The following MYO18A variants were observed in gnomAD, a reference collection of about 807,000 sequenced individuals.
MYO18A encodes the protein myosin XVIIIA.
MYO18A carries 78 observed loss-of-function variants against 235.8 expected under a neutral mutation model. The ratio of observed to expected loss-of-function variants is 0.33; its 90% CI spans 0.28 to 0.40. The LOEUF (loss-of-function observed/expected upper bound fraction) is 0.40. MYO18A is among the 10% of genes least tolerant of loss of function. The pLI, the probability that MYO18A is intolerant of heterozygous loss-of-function variation, is 1.00. For synonymous variants in MYO18A, 977 were observed against 1,077.8 expected (o/e 0.91, Z 1.83); for missense variants, 2,215 against 2,699.3 (o/e 0.82, Z 3.98).
intron 26 of MYO18A, 103 bp from the exon 27 acceptor site, chr17:29,097,453 C>T: frequency 6.8e-7 from 1 of 1,478,744 alleles, no homozygotes; most frequent in Non-Finnish European, 9.2e-7. Flanking sequence ...GTGGAGTCAG[C>T]CAGGGCTCAG....
At position 29,126,665 on chromosome 17, in the gene MYO18A, G is replaced by A. The variant is rs778916434; in HGVS notation, c.1000-4412C>T. 6.6e-5 allele frequency among the ~76,000 whole-genome samples: 10 copies of A among 152,172 alleles called. No homozygotes were observed. Among genetic ancestry groups the A allele is most frequent in the Admixed American group, 1.3e-4 (2 of 15,284 alleles). ...AGACCCCTCTCCTTCCAGCCAGAAG[G>A]AGCCTGCATGAGCACAGGGAAGTAG... is the stretch of plus-strand genomic sequence containing the variant. On this transcript the variant is annotated intron_variant, in intron 2 of 41. Transcript: ENST00000527372. This position sits in a 1 kb window ranked among gnomAD's most constrained non-coding sequence, Gnocchi z 4.1.
rs1373353469 is a variant in MYO18A at position 29,097,869 on chromosome 17, C to T, written c.4021G>A (p.Glu1341Lys). 6.2e-7 allele frequency: 1 copy of T among 1,613,868 alleles called. No individual in the cohort carries two copies. The highest frequency in any genetic ancestry group is 8.5e-7 in the Non-Finnish European group (1 of 1,179,798). ...TQYDALKKQM[E>K]VMEMEVMEAR... ...TCCATCACCTCCATTTCCATAACCT[C>T]CATCTGCTTCTTCAGTGCATCGTAC... The change falls in exon 26 of 42, where the codon GAG (glutamate) becomes AAG (lysine). Residue 1341 changes from glutamate to lysine, a missense_variant. Physicochemically the swap from Glu to Lys is moderately conservative, Grantham distance 56. Transcript: ENST00000527372.
intron 2 of MYO18A, among the ~76,000 whole-genome samples, chr17:29,159,986 A>T (rs1296412425): frequency 6.6e-6 from 1 of 152,184 alleles, no homozygotes; most frequent in African/African-American, 2.4e-5. Flanking sequence ...GGCTACAGGA[A>T]AATCCAGACG....
At position 29,073,340 on chromosome 17, in the gene MYO18A, T is replaced by G. The variant is rs1192769425; in HGVS notation, c.*1430A>C. 1 of 153,000 alleles carries G rather than the reference T, an allele frequency of 6.5e-6. No individual in the cohort carries two copies. The highest frequency in any genetic ancestry group is 1.5e-5 in the Non-Finnish European group (1 of 68,624). The allele number at this position is 153,000 out of a possible 1,614,324, so 9.5% of individuals were successfully genotyped here. On this transcript the variant is annotated 3_prime_UTR_variant, in exon 42 of 42. Coordinates refer to ENST00000527372, the MANE Select transcript of MYO18A (RefSeq NM_078471.4). ...ATCCCCTCATTCCACTACCTCTGCC[T>G]GCCCCAAAATGAGCTGCCTAGGCTC...
chr17:29,170,719 T>G (rs2152984407), intron 1 of MYO18A, among the ~76,000 whole-genome samples: 1 of 152,270 alleles, frequency 6.6e-6, no homozygotes, highest in South Asian at 2.1e-4. Context: ...GCTCTTACTA[T>G]CCCCAAAAAC....
chr17:29,091,600 T>A (rs183205278), intron 34 of MYO18A: 49 of 453,638 alleles, frequency 1.1e-4, no homozygotes, highest in African/African-American at 7.2e-4. Flanking sequence ...CAACCTTTTT[T>A]AACACAATTA....
rs2067127149 is a variant in MYO18A, at chr17:29,118,530, C to T, written c.1830-90G>A. On this transcript the variant is annotated intron_variant, in intron 8 of 41. Coordinates refer to ENST00000527372, the MANE Select transcript of MYO18A (RefSeq NM_078471.4). This position sits in a 1 kb window ranked among gnomAD's most constrained non-coding sequence, Gnocchi z 4.2. ...GGTGGAGACAGACAGACTCAGCTTC[C>T]AGACTCCAAGTTTTGTCTGCCCATC... 6 of 1,222,296 alleles carry T rather than the reference C, an allele frequency of 4.9e-6. No individual in the cohort carries two copies. The highest frequency in any genetic ancestry group is 4.3e-5 in the Admixed American group (2 of 47,026). 75.7% of individuals were successfully genotyped at this position (1,222,296 alleles called of 1,614,324 possible). A position where few individuals can be genotyped will look rare whatever the true frequency, so the allele number is the denominator to read the frequency against.
intron 23 of MYO18A, 88 bp from the exon 24 acceptor site, chr17:29,098,533 G>T: frequency 6.8e-7 from 1 of 1,474,174 alleles, no homozygotes; most frequent in Non-Finnish European, 9.4e-7. Flanking sequence ...GAACGAAGCT[G>T]ATGAAGCTTG....
chr17:29,097,968 C>A, intron 25 of MYO18A, 69 bp from the exon 26 acceptor site: 2 of 1,573,488 alleles, frequency 1.3e-6, no homozygotes, highest in Non-Finnish European at 1.7e-6. Flanking sequence ...CCACACAGAC[C>A]ATGATCACAT....
intron 2 of MYO18A, chr17:29,128,144 T>A: frequency 1.8e-6 from 2 of 1,108,622 alleles, no homozygotes; most frequent in South Asian, 3.9e-5. Context: ...CAGGGAGAGC[T>A]CATCCTTGGC....
intron 40 of MYO18A, among the ~76,000 whole-genome samples, chr17:29,083,002 G>A: frequency 6.7e-6 from 1 of 148,606 alleles, no homozygotes; most frequent in Non-Finnish European, 1.5e-5. Context: ...TGGGCTCTAG[G>A]TTAAGGAGGC....
rs748659909 is a variant in MYO18A, at chr17:29,094,073, C to T, written c.4728G>A (p.Glu1576=). Residue 1576 remains glutamate (E), a synonymous_variant, in exon 31 of 42, where the codon GAG becomes GAA. Coordinates refer to ENST00000527372, the MANE Select transcript of MYO18A (RefSeq NM_078471.4). The part of the protein sequence containing the change: ...QMLEQAKLRL[E]MEMERMRQTH... ...TCTGTCTCATCCGCTCCATCTCCAT[C>T]TCCAGACGCAGCTTGGCCTGGAGGT... 1.2e-5 allele frequency: 19 copies of T among 1,609,652 alleles called. No individual in the cohort carries two copies. In the Admixed American group the frequency reaches 3.0e-4, roughly 26 times the overall value.
Position 29,098,973 on chromosome 17 carries a change from C to T in MYO18A, c.3637-4G>A, listed in dbSNP as rs760219459. The stretch of plus-strand genomic sequence containing the variant: ...AGCGAATGGCCAGGTCCTGGATCTG[C>T]AGGTGGGGTGGGGGTGGTGCACAGC... On this transcript the variant is annotated splice_polypyrimidine_tract_variant and splice_region_variant and intron_variant, in intron 22 of 41. Coordinates refer to ENST00000527372, the MANE Select transcript of MYO18A (RefSeq NM_078471.4). 2.5e-6 allele frequency: 4 copies of T among 1,612,882 alleles called. No homozygotes were observed. The highest frequency in any genetic ancestry group is 3.4e-6 in the Non-Finnish European group (4 of 1,179,760).
Position 29,073,466 on chromosome 17 carries a change from G to A in MYO18A, c.*1304C>T, listed in dbSNP as rs117285791. ...TCCTGCCTCTGCCCACCACCCCCAG[G>A]ACCAATCCAGACTTTGCCTGAGCCT... On this transcript the variant is annotated 3_prime_UTR_variant, in exon 42 of 42. Coordinates refer to ENST00000527372, the MANE Select transcript of MYO18A (RefSeq NM_078471.4). 0.021 allele frequency: 3,613 copies of A among 172,308 alleles called. 63 individuals carry two copies. Among genetic ancestry groups the A allele is most frequent in the Non-Finnish European group, 0.032 (2,577 of 80,512 alleles). The allele number at this position is 172,308 out of a possible 1,614,324, so 10.7% of individuals were successfully genotyped here. A position where few individuals can be genotyped will look rare whatever the true frequency, so the allele number is the denominator to read the frequency against.
chr17:29,084,114 T>G (rs2066190670), intron 40 of MYO18A, among the ~76,000 whole-genome samples: 1 of 152,092 alleles, frequency 6.6e-6, no homozygotes, highest in African/African-American at 2.4e-5. Flanking sequence ...CCACACCACC[T>G]CTCTGCCATC....
At chr17:29,091,253 A>C (rs2066391929) in intron 34 of MYO18A, 1 of 344,922 alleles carries the variant, frequency 2.9e-6, no homozygotes, top group African/African-American at 2.1e-5. Context: ...CTATCAGTCC[A>C]GGCCCTGGCC....
At position 29,109,998 on chromosome 17, in the gene MYO18A, C is replaced by T. The variant is rs375482122; in HGVS notation, c.3191G>A (p.Arg1064His). 1.4e-5 allele frequency: 22 copies of T among 1,611,794 alleles called. No individual in the cohort carries two copies. Among genetic ancestry groups the T allele is most frequent in the Non-Finnish European group, 1.4e-5 (16 of 1,179,356 alleles). ...CAGCTCACTGCTGCTGCTGACTCGG[C>T]GGGAGGAGGCGGAACGGGGCTCCCC... Reference protein sequence around the residue: ...WAGEPRSASSRRVSSSSELDL... With the variant: ...WAGEPRSASSHRVSSSSELDL... The change falls in exon 19 of 42, where the codon CGC becomes CAC. Residue 1064 changes from arginine to histidine, a missense_variant. By Grantham distance (29) the Arg-to-His change is conservative (BLOSUM62 0). Transcript: ENST00000527372. The surrounding 1 kb of genome is among the most constrained non-coding windows in gnomAD (Gnocchi z 4.1).
chr17:29,149,134 G>A (rs1478429973), intron 2 of MYO18A, among the ~76,000 whole-genome samples: 2 of 152,206 alleles, frequency 1.3e-5, no homozygotes, highest in Admixed American at 1.3e-4. Flanking sequence ...GCGTCCCCCA[G>A]GAGCTCCGGC....
intron 36 of MYO18A, 138 bp downstream of exon 36, chr17:29,090,394 C>T: frequency 1.3e-6 from 1 of 775,766 alleles, no homozygotes; most frequent in South Asian, 1.8e-5. Flanking sequence ...CCAAGCCTAG[C>T]TCTTGCTCCT....
Sources: allele counts gnomAD v4.1 joint callset (sites outside exome capture counted in the v4.1 genomes callset), GRCh38; gene constraint gnomAD v4.1.1; non-coding constraint Gnocchi (gnomAD v3.1); transcripts MANE v1.5; gene names NCBI Gene and HGNC (gene_info 2026-07-23, HGNC 2026-07-21).